Variants in AFF2 observed in about 807,000 individuals in gnomAD.
The protein encoded by AFF2 is AF4/FMR2 family member 2.
AFF2 carries 14 observed loss-of-function variants against 76.9 expected under a neutral mutation model. That is an observed-to-expected ratio of 0.18 (90% confidence interval 0.12 to 0.28). AFF2 has a LOEUF of 0.28. Ranked by LOEUF, AFF2 falls within the 10% of genes least tolerant of loss-of-function variation. The probability of loss-of-function intolerance (pLI) is 1.00; values close to 1 mark genes in which losing one functional copy is unlikely to be tolerated. For synonymous variants in AFF2, 398 were observed against 366.7 expected (o/e 1.09, Z -0.98); for missense variants, 868 against 1,001.1 (o/e 0.87, Z 1.79).
intron 3 of AFF2, among the ~76,000 whole-genome samples, chrX:148,785,698 GCT>G (rs1332014661): frequency 2.7e-5 from 3 of 111,877 alleles, no homozygotes; most frequent in African/African-American, 9.8e-5. Context: ...TGAGGAACTG[GCT>G]CTCTCATAAG....
chrX:148,691,322 G>A (rs781971802), intron 3 of AFF2, among the ~76,000 whole-genome samples: 4 of 112,225 alleles, frequency 3.6e-5, no homozygotes, highest in African/African-American at 1.3e-4. Context: ...AAATCTAAGT[G>A]TTTAAAATGT....
intron 3 of AFF2, among the ~76,000 whole-genome samples, chrX:148,791,081 T>C (rs1255934426): frequency 8.9e-6 from 1 of 112,105 alleles, no homozygotes; most frequent in African/African-American, 3.2e-5. Flanking sequence ...AAATTGTCAA[T>C]TGCAGGTCAA....
At chrX:148,858,088 T>C (rs1239274384) in intron 7 of AFF2, among the ~76,000 whole-genome samples, 2 of 111,440 alleles carry the variant, frequency 1.8e-5, no homozygotes, top group Non-Finnish European at 3.8e-5. Flanking sequence ...TCCAATAACG[T>C]AAATGGGATA....
At chrX:148,758,224 G>T (rs2069397945) in intron 3 of AFF2, among the ~76,000 whole-genome samples, 1 of 112,150 alleles carries the variant, frequency 8.9e-6, no homozygotes, top group Non-Finnish European at 1.9e-5. Context: ...ATTTTCTGAG[G>T]CCAAATGTTA....
intron 3 of AFF2, among the ~76,000 whole-genome samples, chrX:148,702,018 T>C (rs1437097525): frequency 8.9e-6 from 1 of 112,458 alleles, no homozygotes; most frequent in African/African-American, 3.2e-5. Context: ...TTGACATTTA[T>C]ATTTTTAGGT....
intron 18 of AFF2, among the ~76,000 whole-genome samples, chrX:148,980,019 G>A (rs1204987080): frequency 1.8e-5 from 2 of 111,698 alleles, no homozygotes; most frequent in Non-Finnish European, 3.8e-5. Flanking sequence ...CTTCCACCTG[G>A]CTAGGCCATT....
chrX:148,685,047 T>G (rs2054587718), intron 3 of AFF2, among the ~76,000 whole-genome samples: 1 of 112,284 alleles, frequency 8.9e-6, no homozygotes, highest in African/African-American at 3.2e-5. Context: ...TAACTCAGGC[T>G]GGATTCCGCA....
At chrX:148,620,199 C>G (rs1450548878) in intron 1 of AFF2, among the ~76,000 whole-genome samples, 1 of 110,828 alleles carries the variant, frequency 9.0e-6, no homozygotes, top group Non-Finnish European at 1.9e-5. Flanking sequence ...AGGCTTGTCT[C>G]TCATTGTTAC....
At chrX:148,671,432 CTTTG>C (rs1302995638) in intron 3 of AFF2, among the ~76,000 whole-genome samples, 1 of 111,850 alleles carries the variant, frequency 8.9e-6, no homozygotes, top group African/African-American at 3.2e-5. Flanking sequence ...CTGGCCTGAA[CTTTG>C]TTTGTAAAAT....
At chrX:148,900,603 G>A (rs2071343599) in intron 8 of AFF2, among the ~76,000 whole-genome samples, 1 of 110,935 alleles carries the variant, frequency 9.0e-6, no homozygotes, top group African/African-American at 3.3e-5. Context: ...CCATCCTCAG[G>A]GTCCAATGTT....
At chrX:148,978,171 C>T (rs892586557) in intron 17 of AFF2, among the ~76,000 whole-genome samples, 167 bp downstream of exon 17, 1 of 112,632 alleles carries the variant, frequency 8.9e-6, no homozygotes, top group East Asian at 2.8e-4. Flanking sequence ...ATTTACTCTC[C>T]TAACTTATAC....
chrX:148,798,369 A>G (rs1282864886), intron 3 of AFF2, among the ~76,000 whole-genome samples: 4 of 112,080 alleles, frequency 3.6e-5, no homozygotes, highest in Non-Finnish European at 7.5e-5. Flanking sequence ...GAAAGGACAA[A>G]CATTCAAGCC....
chrX:148,709,955 TA>T (rs1569553946), intron 3 of AFF2, among the ~76,000 whole-genome samples: 1 of 111,766 alleles, frequency 8.9e-6, no homozygotes, highest in Non-Finnish European at 1.9e-5. Context: ...TGAGAAAGCC[TA>T]AAATAAGAAT....
At position 148,975,604 on chromosome X, in the gene AFF2, ATTC is replaced by A. The variant is rs782453286; in HGVS notation, c.3404+2003_3404+2005del. Among the ~76,000 whole-genome samples the A allele has an allele frequency of 9.8e-5, 11 of 111,835 alleles. No homozygotes were observed. In the East Asian group the frequency reaches 3.1e-3, roughly 31 times the overall value. Reference sequence around the variant, plus strand: ...TTATGGGTGATTTCCCTCTCTGCATATTCTTCTTTCTTATTTTCTTTTAAGAAG... The same window carrying A: ...TTATGGGTGATTTCCCTCTCTGCATATTCTTTCTTATTTTCTTTTAAGAAG... On this transcript the variant is annotated intron_variant, in intron 16 of 20. Coordinates refer to ENST00000370460, the MANE Select transcript of AFF2 (RefSeq NM_002025.4).
intron 7 of AFF2, among the ~76,000 whole-genome samples, chrX:148,859,797 C>T (rs1358624120): frequency 1.8e-5 from 2 of 110,789 alleles, no homozygotes; most frequent in South Asian, 3.8e-4. Context: ...TGTTTTATGT[C>T]GTTTATTCTT....
At chrX:148,693,779 G>A (rs1007635503) in intron 3 of AFF2, among the ~76,000 whole-genome samples, 3 of 111,852 alleles carry the variant, frequency 2.7e-5, no homozygotes, top group South Asian at 7.5e-4. Context: ...ACAATCAGTC[G>A]TTTCAATGGA....
intron 1 of AFF2, among the ~76,000 whole-genome samples, chrX:148,516,435 C>T (rs782585691): frequency 9.0e-6 from 1 of 111,707 alleles, no homozygotes; most frequent in African/African-American, 3.3e-5. Context: ...CTAACAGGAA[C>T]GTTTCCAGGA....
At chrX:148,781,518 T>C (rs1557269090) in intron 3 of AFF2, among the ~76,000 whole-genome samples, 1 of 112,133 alleles carries the variant, frequency 8.9e-6, no homozygotes, top group African/African-American at 3.2e-5. Flanking sequence ...TGGCTTTGTT[T>C]ACACTGTGAG....
At chrX:148,850,112 G>T (rs191697712) in intron 7 of AFF2, among the ~76,000 whole-genome samples, 117 of 111,704 alleles carry the variant, frequency 1.0e-3, no homozygotes, top group African/African-American at 3.1e-3. Context: ...CTTCAGTGAG[G>T]CTGAAGGATC....
Sources: allele counts gnomAD v4.1 joint callset (sites outside exome capture counted in the v4.1 genomes callset), GRCh38; gene constraint gnomAD v4.1.1; transcripts MANE v1.5; gene names NCBI Gene and HGNC (gene_info 2026-07-23, HGNC 2026-07-21).